Variants in NOP58 observed in about 807,000 individuals in gnomAD.
The protein encoded by NOP58 is NOP58 ribonucleoprotein.
NOP58 carries 44 observed loss-of-function variants against 71.2 expected under a neutral mutation model. The ratio of observed to expected loss-of-function variants is 0.62; its 90% confidence interval spans 0.49 to 0.79. The LOEUF (loss-of-function observed/expected upper bound fraction) is 0.79. Among genes scored for constraint, NOP58 ranks in the 30% least tolerant of loss-of-function variants. The pLI is 0.00. For synonymous variants in NOP58, 228 were observed against 200.3 expected, an observed-to-expected ratio of 1.14 and a Z score of -1.17; for missense variants, 538 against 620.2, an observed-to-expected ratio of 0.87 and a Z score of 1.41.
At chr2:202,302,876 T>G in intron 13 of NOP58, 45 bp from the exon 14 acceptor site, 1 of 1,570,996 alleles carries the variant, frequency 6.4e-7, no homozygotes. Flanking sequence ...GAATGAGATC[T>G]GATACAGTGT....
At position 202,284,376 on chromosome 2, in the gene NOP58, CTGT is replaced by C. The variant is rs1292164087; in HGVS notation, c.334_336del (p.Val112del). The C allele has an allele frequency of 2.5e-6, 4 of 1,612,396 alleles. No individual in the cohort carries two copies. The highest frequency in any genetic ancestry group is 1.3e-5 in the African/African-American group (1 of 74,760). On this transcript the variant is annotated inframe_deletion, in exon 5 of 15. Coordinates refer to ENST00000264279, the MANE Select transcript of NOP58 (RefSeq NM_015934.5). ...CTGAATCTCAGTTGTATCCATAGTC[CTGT>C]TGTTAATGAACTTATGAGAGGAATT...
intron 5 of NOP58, 44 bp from the exon 6 acceptor site, chr2:202,287,616 T>C (rs755202874): frequency 2.0e-6 from 3 of 1,471,916 alleles, no homozygotes; most frequent in Non-Finnish European, 2.9e-6. Flanking sequence ...TAAATGCTTT[T>C]CCTAGATGCT....
rs765132025 is a variant in NOP58 at position 202,303,061 on chromosome 2, T to G, written c.1539+4T>G. 19 of 1,606,682 alleles carry G rather than the reference T, an allele frequency of 1.2e-5. No homozygotes were observed. The highest frequency in any genetic ancestry group is 1.6e-5 in the Non-Finnish European group (19 of 1,178,456). ...ATGTACCAGCACAGCAATTGCTGTATGTTTGTTTTTAATTATCGGTTTTCA... is the reference window on the plus strand; with the variant it reads ...ATGTACCAGCACAGCAATTGCTGTAGGTTTGTTTTTAATTATCGGTTTTCA... On this transcript the variant is annotated splice_donor_region_variant and intron_variant, in intron 14 of 14. Transcript: ENST00000264279.
chr2:202,282,346 A>G lies in NOP58; in HGVS notation c.176-5A>G, dbSNP rs1559262365. ...AATGCTTTTGTTTTTCTTTTTCTTG[A>G]AAAGCATTCACAGCTCTGATGGAGG... On this transcript the variant is annotated splice_polypyrimidine_tract_variant and splice_region_variant and intron_variant, in intron 3 of 14. Coordinates refer to ENST00000264279, the MANE Select transcript of NOP58 (RefSeq NM_015934.5). The G allele has an allele frequency of 6.3e-7, 1 of 1,591,042 alleles. No individual in the cohort carries two copies. Among genetic ancestry groups the G allele is most frequent in the South Asian group, 1.2e-5 (1 of 86,154 alleles).
intron 3 of NOP58, among the ~76,000 whole-genome samples, chr2:202,281,137 C>CTTT (rs59956201): frequency 7.0e-6 from 1 of 142,310 alleles, no homozygotes; most frequent in South Asian, 2.3e-4. Context: ...TTTTCTTTTT[C>CTTT]TTTTTTTTTT....
intron 8 of NOP58, among the ~76,000 whole-genome samples, chr2:202,292,147 C>T (rs775972398): frequency 6.6e-6 from 1 of 150,714 alleles, no homozygotes; most frequent in Non-Finnish European, 1.5e-5. Context: ...GCACGTGCCA[C>T]CATGCCCAGC....
At chr2:202,285,609 G>A (rs766849407) in intron 5 of NOP58, among the ~76,000 whole-genome samples, 14 of 151,948 alleles carry the variant, frequency 9.2e-5, no homozygotes, top group Non-Finnish European at 1.9e-4. Flanking sequence ...CCAAAGTGCC[G>A]CGACTGCAGG....
intron 12 of NOP58, among the ~76,000 whole-genome samples, chr2:202,298,952 A>ATTTTT (rs3043921): frequency 4.9e-5 from 4 of 81,436 alleles, no homozygotes; most frequent in Non-Finnish European, 6.9e-5. Context: ...ATCCTTCAAG[A>ATTTTT]TTTTTTTTTT....
intron 1 of NOP58, among the ~76,000 whole-genome samples, chr2:202,271,813 G>C (rs1688515151): frequency 2.6e-5 from 4 of 151,298 alleles, no homozygotes; most frequent in Admixed American, 2.6e-4. Context: ...ATGTCGCAGT[G>C]TGCACCTATA....
At chr2:202,289,152 G>A (rs1393843389) in intron 6 of NOP58, among the ~76,000 whole-genome samples, 4 of 151,812 alleles carry the variant, frequency 2.6e-5, no homozygotes, top group Non-Finnish European at 4.4e-5. Context: ...CTCAACCAGC[G>A]ATTCCTTTCC....
At chr2:202,296,717 T>TTTTTTTTGTTTG (rs1553573751) in intron 10 of NOP58, among the ~76,000 whole-genome samples, 2 of 149,080 alleles carry the variant, frequency 1.3e-5, no homozygotes, top group African/African-American at 4.9e-5. Flanking sequence ...CCACGCTTTT[T>TTTTTTTTGTTTG]TTTGTTTGTT....
At position 202,282,403 on chromosome 2, in the gene NOP58, G is replaced by A; in HGVS notation, c.228G>A (p.Leu76=). 1 of 1,613,512 alleles carries A rather than the reference G, an allele frequency of 6.2e-7. No individual in the cohort carries two copies. The highest frequency in any genetic ancestry group is 8.5e-7 in the Non-Finnish European group (1 of 1,179,854). Residue 76 remains leucine (L), a synonymous_variant, in exon 4 of 15, where the codon CTG becomes CTA. Transcript: ENST00000264279. ...GKINKQLKKV[L]KKIVKEAHEP... is the part of the protein sequence containing the mutation. ...TCAATAAGCAGCTGAAAAAAGTTCTGAAGAAAATAGTAAAAGAAGCCCATG... is the reference window on the plus strand; with the variant it reads ...TCAATAAGCAGCTGAAAAAAGTTCTAAAGAAAATAGTAAAAGAAGCCCATG...
chr2:202,265,864 T>C lies in NOP58; in HGVS notation c.-78T>C. ...GCCCGCCGCGGCCTAGGAGGCCTTT[T>C]GAGGCCGCGTAGTCGGTGTTTTTGA... On this transcript the variant is annotated 5_prime_UTR_variant, in exon 1 of 15. Coordinates refer to ENST00000264279, the MANE Select transcript of NOP58 (RefSeq NM_015934.5). 1 of 1,578,308 alleles carries C rather than the reference T, an allele frequency of 6.3e-7. No individual in the cohort carries two copies. Among genetic ancestry groups the C allele is most frequent in the African/African-American group, 1.3e-5 (1 of 74,362 alleles).
intron 6 of NOP58, among the ~76,000 whole-genome samples, chr2:202,290,040 C>G (rs903892402): frequency 6.6e-6 from 1 of 152,042 alleles, no homozygotes; most frequent in Admixed American, 6.6e-5. Context: ...CTACAACCTC[C>G]ACCTCCTGTG....
At chr2:202,287,618 C>G (rs1420249868) in intron 5 of NOP58, 42 bp from the exon 6 acceptor site, 1 of 1,485,230 alleles carries the variant, frequency 6.7e-7, no homozygotes, top group East Asian at 2.3e-5. Context: ...AATGCTTTTC[C>G]TAGATGCTAT....
intron 1 of NOP58, among the ~76,000 whole-genome samples, chr2:202,268,501 C>G (rs1003558043): frequency 4.6e-5 from 7 of 151,260 alleles, no homozygotes; most frequent in Non-Finnish European, 8.8e-5. Context: ...TGCCATTGCA[C>G]TCCAGCCTGG....
At chr2:202,297,030 G>C (rs1284125214) in intron 10 of NOP58, among the ~76,000 whole-genome samples, 1 of 152,186 alleles carries the variant, frequency 6.6e-6, no homozygotes, top group Non-Finnish European at 1.5e-5. Flanking sequence ...ACCGCGCTCG[G>C]CCAGAACCCG....
In NOP58 at chr2:202,300,250, G is replaced by A. The variant is rs773119179; in HGVS notation, c.1285G>A (p.Asp429Asn). 5.0e-6 allele frequency: 8 copies of A among 1,585,362 alleles called. No homozygotes were observed. Among genetic ancestry groups the A allele is most frequent in the South Asian group, 1.2e-5 (1 of 84,774 alleles). ...YEHKSEVKTY[D>N]PSGDSTLPTC... ...GTCTTTCAGTGAAGTGAAGACTTAC[G>A]ATCCTTCTGGTGACTCCACACTTCC... is the stretch of plus-strand genomic sequence containing the variant. Residue 429 changes from aspartate to asparagine, a missense_variant, in exon 13 of 15, where the codon GAT becomes AAT. Asp to Asn is a conservative substitution (Grantham distance 23). Coordinates refer to ENST00000264279, the MANE Select transcript of NOP58 (RefSeq NM_015934.5).
rs773315669 is a variant in NOP58, at chr2:202,300,284, C to G, written c.1319C>G (p.Ser440Cys). Reference protein sequence around the residue: ...PSGDSTLPTCSKKRKIEQVDK... With the variant: ...PSGDSTLPTCCKKRKIEQVDK... ...GGTGACTCCACACTTCCAACCTGTT[C>G]TAAAAAACGCAAAATAGAACAGGTA... The change falls in exon 13 of 15, where the codon TCT becomes TGT. Residue 440 changes from serine (S) to cysteine (C), a missense_variant. By Grantham distance (112) the Ser-to-Cys change is moderately radical (BLOSUM62 -1). Coordinates refer to ENST00000264279, the MANE Select transcript of NOP58 (RefSeq NM_015934.5). The G allele has an allele frequency of 1.9e-5, 30 of 1,600,860 alleles. No individual in the cohort carries two copies. The highest frequency in any genetic ancestry group is 2.4e-5 in the Non-Finnish European group (28 of 1,177,080).
Sources: gnomAD v4.1 joint callset for allele counts (sites outside exome capture counted in the v4.1 genomes callset) on GRCh38, gnomAD v4.1.1 for gene constraint, MANE v1.5 for transcripts, NCBI Gene and HGNC (gene_info 2026-07-23, HGNC 2026-07-21) for gene names.